The following OXR1 variants were observed in gnomAD, a reference collection of about 807,000 sequenced individuals.
OXR1 encodes the protein oxidation resistance 1, also known as oxidation resistance protein 1.
A neutral mutation model predicts 104.6 loss-of-function variants in OXR1; 41 were observed. The observed-to-expected ratio is 0.39, with a 90% CI of 0.31 to 0.51. The LOEUF is 0.51. OXR1 is among the 20% of genes least tolerant of loss of function. OXR1 has a pLI of 0.77. For missense variants in OXR1, 955 were observed against 1,031.9 expected (o/e 0.93, Z 1.02); for synonymous variants, 348 against 348.4 (o/e 1.00, Z 0.01).
chr8:106,579,861 AG>A (rs1199108002), intron 3 of OXR1, among the ~76,000 whole-genome samples: 3 of 151,934 alleles, frequency 2.0e-5, no homozygotes, highest in African/African-American at 7.3e-5. Context: ...AAGTCCAAAA[AG>A]TTTCACTGGT....
rs1402854119 is a variant in OXR1 at position 106,531,808 on chromosome 8, ATAAT to A, written c.220+12671_220+12674del. 5.9e-5 allele frequency among the ~76,000 whole-genome samples: 9 copies of A among 152,334 alleles called. No individual in the cohort carries two copies. The East Asian group carries it at 1.5e-3, about 26-fold the overall frequency. ...ACAAAGTTTTTACTTCCTGCTTTAA[ATAAT>A]TCTCTCAAGTTGCAGATCTTTTGTG... On this transcript the variant is annotated intron_variant, in intron 3 of 16. Transcript: ENST00000517566.
At chr8:106,566,354 A>G (rs1425535920) in intron 3 of OXR1, among the ~76,000 whole-genome samples, 1 of 152,220 alleles carries the variant, frequency 6.6e-6, no homozygotes, top group African/African-American at 2.4e-5. Flanking sequence ...TATGTGGCCA[A>G]CTAACATGAA....
At chr8:106,565,918 C>T (rs1817038047) in intron 3 of OXR1, among the ~76,000 whole-genome samples, 1 of 152,100 alleles carries the variant, frequency 6.6e-6, no homozygotes, top group Non-Finnish European at 1.5e-5. Flanking sequence ...ACTGACTAAC[C>T]TTATGCAGAA....
chr8:106,680,985 GTCTTC>G (rs1032327828), intron 4 of OXR1, among the ~76,000 whole-genome samples: 9 of 152,146 alleles, frequency 5.9e-5, no homozygotes, highest in Admixed American at 5.2e-4. Flanking sequence ...ATCCATGAAT[GTCTTC>G]TCTTGAGTCT....
chr8:106,512,058 C>T (rs1812569047), intron 2 of OXR1, among the ~76,000 whole-genome samples: 1 of 152,150 alleles, frequency 6.6e-6, no homozygotes, highest in Admixed American at 6.5e-5. Flanking sequence ...TTATACGATA[C>T]TTATGCCAAA....
chr8:106,459,602 C>T (rs1483132483), intron 2 of OXR1, among the ~76,000 whole-genome samples: 2 of 152,116 alleles, frequency 1.3e-5, no homozygotes, highest in African/African-American at 4.8e-5. Context: ...GAAAAATCTT[C>T]TTTATTCCTG....
At chr8:106,736,172 C>CCG (rs536486996) in intron 11 of OXR1, among the ~76,000 whole-genome samples, 1 of 151,232 alleles carries the variant, frequency 6.6e-6, no homozygotes, top group Non-Finnish European at 1.5e-5. Flanking sequence ...GACACCCCCC[C>CCG]CCATCCGCCC....
chr8:106,728,008 A>T (rs2131502325), intron 11 of OXR1, among the ~76,000 whole-genome samples: 1 of 152,204 alleles, frequency 6.6e-6, no homozygotes, highest in Non-Finnish European at 1.5e-5. Flanking sequence ...CTGAAATAGA[A>T]CAATATGATG....
In OXR1 at chr8:106,395,257, T is replaced by C. The variant is rs77951349; in HGVS notation, c.23+35621T>C. 4.0e-3 allele frequency among the ~76,000 whole-genome samples: 602 copies of C among 152,210 alleles called. 7 individuals are homozygous for C. Among genetic ancestry groups the C allele is most frequent in the African/African-American group, 0.013 (536 of 41,554 alleles). On this transcript the variant is annotated intron_variant, in intron 2 of 16. Transcript: ENST00000517566. ...AGGGGGCAGTCTAGAATGAATCCTG[T>C]GGTGTTGAATTAGAGTTGGAGCCAT...
chr8:106,311,213 T>C (rs949703229), intron 1 of OXR1, among the ~76,000 whole-genome samples: 3 of 152,192 alleles, frequency 2.0e-5, no homozygotes, highest in African/African-American at 4.8e-5. Context: ...ATTTCAACGA[T>C]AATTTTTTAA....
chr8:106,545,814 A>G (rs1815310821), intron 3 of OXR1, among the ~76,000 whole-genome samples: 1 of 150,882 alleles, frequency 6.6e-6, no homozygotes. Context: ...CCTGGTGAGC[A>G]TGCAAAACCT....
At chr8:106,466,080 A>G (rs1586676922) in intron 2 of OXR1, among the ~76,000 whole-genome samples, 1 of 151,944 alleles carries the variant, frequency 6.6e-6, no homozygotes, top group Non-Finnish European at 1.5e-5. Flanking sequence ...AATAGTCCAC[A>G]TATTTTGTGC....
intron 2 of OXR1, among the ~76,000 whole-genome samples, chr8:106,412,459 G>A (rs1027287121): frequency 2.0e-5 from 3 of 152,098 alleles, no homozygotes; most frequent in Non-Finnish European, 4.4e-5. Flanking sequence ...CATAATAACA[G>A]TGTGCCAACT....
At chr8:106,698,053 G>A in intron 7 of OXR1, 1 of 1,433,646 alleles carries the variant, frequency 7.0e-7, no homozygotes, top group South Asian at 1.2e-5. Context: ...GTTCAAACGG[G>A]CTGGAGAGCG....
At chr8:106,634,836 C>CA (rs565594701) in intron 3 of OXR1, among the ~76,000 whole-genome samples, 3,061 of 121,756 alleles carry the variant, frequency 0.025, 60 homozygotes, top group South Asian at 0.049. Context: ...TCTTGGCATG[C>CA]AAAAAAAAAA....
chr8:106,364,697 T>C (rs922408970), intron 2 of OXR1, among the ~76,000 whole-genome samples: 4 of 152,280 alleles, frequency 2.6e-5, no homozygotes, highest in African/African-American at 9.6e-5. Context: ...ATTATTCACA[T>C]TACTTATAAT....
rs532616760 is a variant in OXR1, at chr8:106,294,452, C to T, written c.-139+24085C>T. Among the ~76,000 whole-genome samples, 256 of 143,610 alleles carry T rather than the reference C, an allele frequency of 1.8e-3. 2 individuals carry two copies. The highest frequency in any genetic ancestry group is 3.0e-3 in the Non-Finnish European group (200 of 66,074). 94.2% of individuals were successfully genotyped at this position (143,610 alleles called of 152,430 possible). A position where few individuals can be genotyped will look rare whatever the true frequency, so the allele number is the denominator to read the frequency against. ...ATACCTGAGACTGGGTAATTTATAA[C>T]GAAGAGGTTAGCTGTCTCAGGGTTC... On this transcript the variant is annotated intron_variant, in intron 1 of 16. Coordinates refer to ENST00000517566, the MANE Select transcript of OXR1 (RefSeq NM_001198533.2).
chr8:106,520,519 T>A (rs72680940), intron 3 of OXR1: 1 of 152,182 alleles, frequency 6.6e-6, no homozygotes, highest in Non-Finnish European at 1.5e-5. Context: ...TTCTTATATA[T>A]TCATTCTCAG....
chr8:106,291,602 G>A (rs1186883946), intron 1 of OXR1, among the ~76,000 whole-genome samples: 1 of 152,080 alleles, frequency 6.6e-6, no homozygotes, highest in African/African-American at 2.4e-5. Context: ...AATATTAAAT[G>A]GAAAATTCTA....
Sources: allele counts gnomAD v4.1 joint callset (sites outside exome capture counted in the v4.1 genomes callset), GRCh38; gene constraint gnomAD v4.1.1; transcripts MANE v1.5; gene names NCBI Gene and HGNC (gene_info 2026-07-23, HGNC 2026-07-21).